MCM5: variants seen among roughly 807,000 people sequenced by gnomAD.
The protein encoded by MCM5 is minichromosome maintenance complex component 5.
MCM5 carries 46 observed loss-of-function variants against 79.9 expected under a neutral mutation model. That is an observed-to-expected ratio of 0.58 (90% CI 0.45 to 0.74). The LOEUF is 0.74. Ranked by LOEUF, MCM5 falls within the 30% of genes least tolerant of loss-of-function variation. MCM5 has a pLI of 0.00. For synonymous variants in MCM5, 404 were observed against 390.5 expected, an observed-to-expected ratio of 1.03 and a Z score of -0.41; for missense variants, 883 against 1,017.0, an observed-to-expected ratio of 0.87 and a Z score of 1.79.
intron 5 of MCM5, 149 bp from the exon 6 acceptor site, chr22:35,408,259 C>T (rs755252481): frequency 3.3e-5 from 21 of 637,394 alleles, no homozygotes; most frequent in African/African-American, 7.3e-5. Context: ...CTCCAGGCAG[C>T]GTTGCCTGCC....
At chr22:35,428,970 CTTTTTTTTTTTTTTT>C (rs35549972), downstream of MCM5, among the ~76,000 whole-genome samples, 3 of 65,518 alleles carry the variant, frequency 4.6e-5, no homozygotes, top group South Asian at 6.0e-4. Context: ...TTTCTTTGAC[CTTTTTTTTTTTTTTT>C]TTTTTTTTTT....
intron 4 of MCM5, among the ~76,000 whole-genome samples, chr22:35,405,157 T>C (rs1168929419): frequency 1.3e-5 from 2 of 150,284 alleles, no homozygotes; most frequent in Non-Finnish European, 3.0e-5. Flanking sequence ...CCCCAAGTGG[T>C]TGGAATTACA....
chr22:35,452,735 G>A, the MCM5 span, among the ~76,000 whole-genome samples: 2 of 152,168 alleles, frequency 1.3e-5, no homozygotes, highest in Non-Finnish European at 2.9e-5. Flanking sequence ...TCCTCCGCTG[G>A]GGTGGTGGTG....
the MCM5 span, among the ~76,000 whole-genome samples, chr22:35,440,742 A>C: frequency 6.6e-6 from 1 of 152,276 alleles, no homozygotes; most frequent in African/African-American, 2.4e-5. Context: ...TCTTTGCCTC[A>C]GTGTCCCCAG....
rs1399357899 is a variant in MCM5 at position 35,406,683 on chromosome 22, G to A, written c.554G>A (p.Arg185His). The A allele has an allele frequency of 6.8e-6, 11 of 1,610,898 alleles. No individual in the cohort carries two copies. Among genetic ancestry groups the A allele is most frequent in the East Asian group, 2.2e-5 (1 of 44,876 alleles). Reference protein sequence around the residue: ...CRNTLTNIAMRPGLEGYALPR... With the variant: ...CRNTLTNIAMHPGLEGYALPR... ...AACACCCTCACCAACATTGCCATGC[G>A]CCCTGGCCTCGAGGGCTATGCCCTG... Residue 185 changes from arginine to histidine, a missense_variant, in exon 5 of 17, where the codon CGC (arginine) becomes CAC (histidine). Arg to His is a conservative substitution (Grantham distance 29, BLOSUM62 0). Coordinates refer to ENST00000216122, the MANE Select transcript of MCM5 (RefSeq NM_006739.4).
At chr22:35,433,735 G>A in the MCM5 span, among the ~76,000 whole-genome samples, 1 of 152,178 alleles carries the variant, frequency 6.6e-6, no homozygotes, top group Admixed American at 6.5e-5. Context: ...ACCCAGGGCT[G>A]GGCACATTTG....
chr22:35,408,489 C>A lies in MCM5; in HGVS notation c.678C>A (p.Thr226=). The A allele has an allele frequency of 2.5e-6, 4 of 1,614,192 alleles. No individual in the cohort carries two copies. The highest frequency in any genetic ancestry group is 3.4e-6 in the Non-Finnish European group (4 of 1,180,020). The change falls in exon 6 of 17, where the codon ACC becomes ACA. Residue 226 remains threonine (T), a synonymous_variant. Transcript: ENST00000216122. ...AATGCAAATGCGTGGACTTCCAGACCCTGAAGCTGCAGGAGCTGCCTGATG... is the reference window on the plus strand; with the variant it reads ...AATGCAAATGCGTGGACTTCCAGACACTGAAGCTGCAGGAGCTGCCTGATG... ...PDKCKCVDFQ[T]LKLQELPDAV...
downstream of MCM5, among the ~76,000 whole-genome samples, chr22:35,426,146 G>A (rs890044170): frequency 5.9e-5 from 9 of 152,128 alleles, no homozygotes; most frequent in African/African-American, 2.2e-4. Flanking sequence ...GAGGCCAAAG[G>A]GGGTCCGACT....
chr22:35,416,674 G>T lies in MCM5; in HGVS notation c.1450G>T (p.Val484Phe), dbSNP rs775755762. 6.2e-7 allele frequency: 1 copy of T among 1,614,056 alleles called. No individual in the cohort carries two copies. Residue 484 changes from valine to phenylalanine, a missense_variant, in exon 12 of 17, where the codon GTC becomes TTC. Transcript: ENST00000216122. ...ITTTLNSRCSVLAAANSVFGR... is the reference protein window; with the variant it reads ...ITTTLNSRCSFLAAANSVFGR... ...CACCACCCTGAACTCCCGCTGCTCCGTCCTGGCTGCTGCCAACTCAGTGTT... is the reference window on the plus strand; with the variant it reads ...CACCACCCTGAACTCCCGCTGCTCCTTCCTGGCTGCTGCCAACTCAGTGTT...
At chr22:35,431,304 A>G in the MCM5 span, among the ~76,000 whole-genome samples, 1 of 152,212 alleles carries the variant, frequency 6.6e-6, no homozygotes, top group South Asian at 2.1e-4. Flanking sequence ...AAACTGAGGC[A>G]CAGAAATGCA....
downstream of MCM5, among the ~76,000 whole-genome samples, chr22:35,426,640 C>A (rs1260001067): frequency 6.6e-6 from 1 of 152,222 alleles, no homozygotes; most frequent in East Asian, 1.9e-4. Flanking sequence ...AGTACAGTAG[C>A]CCTTTCACCC....
At chr22:35,436,185 A>AG in the MCM5 span, among the ~76,000 whole-genome samples, 1 of 147,322 alleles carries the variant, frequency 6.8e-6, no homozygotes, top group African/African-American at 2.5e-5. Flanking sequence ...AAAAAAAAAG[A>AG]AAAAAAGAAA....
At chr22:35,405,568 T>A (rs955826388) in intron 4 of MCM5, among the ~76,000 whole-genome samples, 1 of 151,914 alleles carries the variant, frequency 6.6e-6, no homozygotes, top group Non-Finnish European at 1.5e-5. Flanking sequence ...GGATTCACCA[T>A]GTTGGCCAGG....
chr22:35,416,302 C>G, intron 10 of MCM5, 37 bp from the exon 11 acceptor site: 1 of 1,593,726 alleles, frequency 6.3e-7, no homozygotes, highest in Non-Finnish European at 8.6e-7. Context: ...TCCCTCACTT[C>G]AGTAGGTCTG....
intron 7 of MCM5, among the ~76,000 whole-genome samples, chr22:35,412,163 T>A (rs1455488067): frequency 6.6e-6 from 1 of 152,218 alleles, no homozygotes; most frequent in Non-Finnish European, 1.5e-5. Flanking sequence ...CCTTCTCTGT[T>A]CTGCAGCAGC....
At position 35,424,853 on chromosome 22, in the gene MCM5, C is replaced by G. The variant is rs1218141536; in HGVS notation, c.*598C>G. 1.3e-5 allele frequency: 2 copies of G among 152,216 alleles called. No individual in the cohort carries two copies. The highest frequency in any genetic ancestry group is 2.9e-5 in the Non-Finnish European group (2 of 68,060). The allele number at this position is 152,216 out of a possible 1,614,324, so 9.4% of individuals were successfully genotyped here. On this transcript the variant is annotated 3_prime_UTR_variant, in exon 17 of 17. Coordinates refer to ENST00000216122, the MANE Select transcript of MCM5 (RefSeq NM_006739.4). ...CCTGGATTCATGGACCCTCTCCATG[C>G]CTTAGTTTCCTTATCTGTAAGCAGG...
At chr22:35,430,099 G>C (rs886187670), downstream of MCM5, among the ~76,000 whole-genome samples, 2 of 152,224 alleles carry the variant, frequency 1.3e-5, no homozygotes, top group African/African-American at 2.4e-5. Context: ...GTTGTGGTCA[G>C]GTTGGGCTGA....
chr22:35,433,961 T>C, the MCM5 span, among the ~76,000 whole-genome samples: 1 of 152,238 alleles, frequency 6.6e-6, no homozygotes, highest in Non-Finnish European at 1.5e-5. Context: ...ATTTCCAGAC[T>C]CTCTTGCAGC....
At chr22:35,436,696 A>G in the MCM5 span, among the ~76,000 whole-genome samples, 1 of 151,578 alleles carries the variant, frequency 6.6e-6, no homozygotes, top group South Asian at 2.1e-4. Context: ...TCACCTTCCC[A>G]TGTCCAAACC....
Sources: gnomAD v4.1 joint callset for allele counts (sites outside exome capture counted in the v4.1 genomes callset) on GRCh38, gnomAD v4.1.1 for gene constraint, MANE v1.5 for transcripts, NCBI Gene and HGNC (gene_info 2026-07-23, HGNC 2026-07-21) for gene names.